Variants in GRID2 observed in about 807,000 individuals in gnomAD.
GRID2 encodes glutamate ionotropic receptor delta type subunit 2.
GRID2 carries 33 observed loss-of-function variants against 114.8 expected under a neutral mutation model. The ratio of observed to expected loss-of-function variants is 0.29; its 90% CI spans 0.22 to 0.38. GRID2 has a LOEUF of 0.38. GRID2 is among the 10% of genes least tolerant of loss of function. The pLI is 1.00. For missense variants in GRID2, 1,184 were observed against 1,257.7 expected, an observed-to-expected ratio of 0.94 and a Z score of 0.89; for synonymous variants, 505 against 449.9, an observed-to-expected ratio of 1.12 and a Z score of -1.55.
chr4:92,399,426 T>G (rs1427307970), intron 1 of GRID2, among the ~76,000 whole-genome samples: 1 of 152,188 alleles, frequency 6.6e-6, no homozygotes, highest in African/African-American at 2.4e-5. Context: ...ACATTCTGGT[T>G]GTTGTCTTTT....
chr4:93,237,961 G>C (rs1260504830), intron 7 of GRID2, among the ~76,000 whole-genome samples: 1 of 151,864 alleles, frequency 6.6e-6, no homozygotes, highest in Non-Finnish European at 1.5e-5. Flanking sequence ...AATTGTGCTA[G>C]AACAAAGAAG....
At chr4:92,975,667 CTAT>C (rs1398995997) in intron 2 of GRID2, among the ~76,000 whole-genome samples, 5 of 152,056 alleles carry the variant, frequency 3.3e-5, no homozygotes, top group African/African-American at 4.8e-5. Context: ...AATGATTAGA[CTAT>C]TATTAGTAAC....
chr4:92,358,651 C>A (rs1422966624), intron 1 of GRID2, among the ~76,000 whole-genome samples: 1 of 151,740 alleles, frequency 6.6e-6, no homozygotes, highest in Non-Finnish European at 1.5e-5. Flanking sequence ...AACTTTGTGC[C>A]AATTGCTAGA....
chr4:93,544,515 C>A (rs1049203305), intron 13 of GRID2, among the ~76,000 whole-genome samples: 2 of 152,066 alleles, frequency 1.3e-5, no homozygotes, highest in Non-Finnish European at 2.9e-5. Flanking sequence ...CGGTGGCTGA[C>A]ACCTGTAATC....
chr4:92,921,705 G>A lies in GRID2; in HGVS notation c.245-163290G>A, dbSNP rs574339121. Among the ~76,000 whole-genome samples the A allele has an allele frequency of 5.9e-5, 9 of 152,238 alleles. No homozygotes were observed. In the South Asian group the frequency reaches 1.9e-3, roughly 32 times the overall value. ...ATGTTGCTGCCTGATTGTTCCTCTG[G>A]AAGTTTTGTCTCAGAGGAGTACCTG... On this transcript the variant is annotated intron_variant, in intron 2 of 15. Transcript: ENST00000282020.
At chr4:93,554,956 T>C (rs115775570) in intron 13 of GRID2, among the ~76,000 whole-genome samples, 1,798 of 151,948 alleles carry the variant, frequency 0.012, 24 homozygotes, top group African/African-American at 0.041. Flanking sequence ...GCGTACAGAG[T>C]GCAAGCTGAA....
intron 1 of GRID2, among the ~76,000 whole-genome samples, chr4:92,358,312 A>G (rs757044030): frequency 1.3e-5 from 2 of 151,982 alleles, no homozygotes; most frequent in Non-Finnish European, 2.9e-5. Context: ...GACATACTAT[A>G]TATAACATAT....
intron 2 of GRID2, among the ~76,000 whole-genome samples, chr4:92,656,270 T>C (rs1426946578): frequency 6.6e-6 from 1 of 151,716 alleles, no homozygotes; most frequent in African/African-American, 2.4e-5. Context: ...TTATTATGGC[T>C]TTAATTTGTA....
chr4:93,632,660 A>T (rs1013300734), intron 14 of GRID2, among the ~76,000 whole-genome samples: 2 of 152,126 alleles, frequency 1.3e-5, no homozygotes, highest in African/African-American at 4.8e-5. Context: ...TGATGCCTCC[A>T]GCTTTGTTCT....
chr4:93,655,200 A>C (rs1210659223), intron 14 of GRID2, among the ~76,000 whole-genome samples: 1 of 152,186 alleles, frequency 6.6e-6, no homozygotes, highest in African/African-American at 2.4e-5. Flanking sequence ...AGATAAGAAA[A>C]TTAAATAAGA....
intron 8 of GRID2, among the ~76,000 whole-genome samples, chr4:93,383,367 C>T (rs1242991695): frequency 1.3e-5 from 2 of 152,178 alleles, no homozygotes; most frequent in Non-Finnish European, 2.9e-5. Flanking sequence ...GAAACATATT[C>T]ATGGCTGCCT....
chr4:93,342,513 T>G (rs1759773679), intron 8 of GRID2, among the ~76,000 whole-genome samples: 1 of 152,188 alleles, frequency 6.6e-6, no homozygotes, highest in Non-Finnish European at 1.5e-5. Flanking sequence ...CAATTTGTAA[T>G]GATTTGTTAC....
chr4:92,691,849 T>C (rs1030628121), intron 2 of GRID2, among the ~76,000 whole-genome samples: 2 of 151,948 alleles, frequency 1.3e-5, no homozygotes, highest in Admixed American at 6.6e-5. Flanking sequence ...CATGTACTTA[T>C]AGGGTTTTTA....
At chr4:93,399,233 A>G (rs1428318915) in intron 9 of GRID2, among the ~76,000 whole-genome samples, 1 of 152,016 alleles carries the variant, frequency 6.6e-6, no homozygotes, top group African/African-American at 2.4e-5. Context: ...TTCTATTGAA[A>G]CTGAAATCTA....
chr4:92,765,597 T>C (rs965392427), intron 2 of GRID2, among the ~76,000 whole-genome samples: 1 of 152,156 alleles, frequency 6.6e-6, no homozygotes, highest in African/African-American at 2.4e-5. Flanking sequence ...AGAGGTTTAC[T>C]GTAGCATACA....
chr4:92,954,573 C>A (rs979953400), intron 2 of GRID2, among the ~76,000 whole-genome samples: 6 of 151,746 alleles, frequency 4.0e-5, no homozygotes, highest in African/African-American at 1.5e-4. Flanking sequence ...ACTACAGGTG[C>A]CAGCCACCAT....
At chr4:92,728,137 T>C (rs1736150406) in intron 2 of GRID2, among the ~76,000 whole-genome samples, 1 of 152,080 alleles carries the variant, frequency 6.6e-6, no homozygotes, top group Non-Finnish European at 1.5e-5. Flanking sequence ...TGTATTTTAC[T>C]GGTAGTGAGA....
chr4:92,848,641 C>T (rs1021017512), intron 2 of GRID2, among the ~76,000 whole-genome samples: 1 of 151,990 alleles, frequency 6.6e-6, no homozygotes. Flanking sequence ...TAATGGGTAA[C>T]TAGATTGATG....
chr4:92,737,939 G>A (rs886165224), intron 2 of GRID2, among the ~76,000 whole-genome samples: 1 of 151,982 alleles, frequency 6.6e-6, no homozygotes, highest in Non-Finnish European at 1.5e-5. Flanking sequence ...TTAATTTCCC[G>A]GTAATTGTTT....
Sources: allele counts gnomAD v4.1 joint callset (sites outside exome capture counted in the v4.1 genomes callset), GRCh38; gene constraint gnomAD v4.1.1; transcripts MANE v1.5; gene names NCBI Gene and HGNC (gene_info 2026-07-23, HGNC 2026-07-21).